Variants in SLC35F2 observed in about 807,000 individuals in gnomAD.
The protein encoded by SLC35F2 is queuine/queuosine transporter SLC35F2.
In SLC35F2, 25 loss-of-function variants were observed where a neutral mutation model predicts 38.1. The observed-to-expected ratio is 0.66, with a 90% CI of 0.48 to 0.92. The LOEUF (loss-of-function observed/expected upper bound fraction) is 0.92. SLC35F2 is among the 40% of genes least tolerant of loss of function. SLC35F2 has a pLI of 0.00. For synonymous variants in SLC35F2, 173 were observed against 181.7 expected (o/e 0.95, Z 0.38); for missense variants, 409 against 452.9 (o/e 0.90, Z 0.88).
At chr11:107,817,562 G>C (rs375088102) in intron 1 of SLC35F2, among the ~76,000 whole-genome samples, 1 of 151,896 alleles carries the variant, frequency 6.6e-6, no homozygotes, top group East Asian at 1.9e-4. Flanking sequence ...AAAACCTTTC[G>C]GTGGCTGGTT....
At chr11:107,810,422 A>C in intron 3 of SLC35F2, 1 of 985,096 alleles carries the variant, frequency 1.0e-6, no homozygotes. Context: ...GTTCCTGGGA[A>C]TTGTAATCAA....
chr11:107,800,399 C>T (rs1202992680), intron 7 of SLC35F2, among the ~76,000 whole-genome samples: 1 of 150,406 alleles, frequency 6.6e-6, no homozygotes, highest in Non-Finnish European at 1.5e-5. Context: ...GAGTTCATGG[C>T]CGACTTCTGG....
At chr11:107,856,868 A>C (rs1186368168) in intron 1 of SLC35F2, among the ~76,000 whole-genome samples, 3 of 119,884 alleles carry the variant, frequency 2.5e-5, no homozygotes, top group Non-Finnish European at 3.4e-5. Flanking sequence ...GGAAGGAAGG[A>C]AGGCAGGAAG....
intron 1 of SLC35F2, among the ~76,000 whole-genome samples, chr11:107,818,399 A>G (rs1859617745): frequency 6.6e-6 from 1 of 150,912 alleles, no homozygotes; most frequent in Non-Finnish European, 1.5e-5. Flanking sequence ...CCACTACAAA[A>G]AAGAAAAAAA....
At chr11:107,837,641 C>G (rs886071886) in intron 1 of SLC35F2, among the ~76,000 whole-genome samples, 1 of 152,026 alleles carries the variant, frequency 6.6e-6, no homozygotes, top group Admixed American at 6.6e-5. Context: ...TAGCAGTGAG[C>G]TGGGATGGCA....
chr11:107,805,385 A>C lies in SLC35F2; in HGVS notation c.705T>G (p.Phe235Leu), dbSNP rs753827886. The C allele has an allele frequency of 1.9e-6, 3 of 1,614,066 alleles. No individual in the cohort carries two copies. Among genetic ancestry groups the C allele is most frequent in the Non-Finnish European group, 2.5e-6 (3 of 1,179,988 alleles). Residue 235 changes from phenylalanine to leucine, a missense_variant, in exon 5 of 8, where the codon TTT becomes TTG. Coordinates refer to ENST00000525815, the MANE Select transcript of SLC35F2 (RefSeq NM_017515.5). ...RQEFLGMVGL[F>L]GTIISGIQLL... ...GCTGTATACCACTGATAATTGTTCC[A>C]AACAGGCCCACCATTCCTAAAAACT...
intron 1 of SLC35F2, among the ~76,000 whole-genome samples, chr11:107,850,182 G>A (rs1173823938): frequency 6.6e-6 from 1 of 152,098 alleles, no homozygotes; most frequent in Admixed American, 6.6e-5. Flanking sequence ...CCTCTACCTA[G>A]AGGGACTCAG....
chr11:107,818,068 AAAAAAAAGAAAGAAAGAAAG>A (rs1859606151), intron 1 of SLC35F2, among the ~76,000 whole-genome samples: 2 of 101,508 alleles, frequency 2.0e-5, no homozygotes, highest in African/African-American at 8.1e-5. Flanking sequence ...AAAAAAAAAA[AAAAAAAAGAAAGAAAGAAAG>A]AAAGAAAGAA....
chr11:107,793,160 G>A (rs1216460313), intron 7 of SLC35F2, among the ~76,000 whole-genome samples: 4 of 152,248 alleles, frequency 2.6e-5, no homozygotes, highest in South Asian at 2.1e-4. Context: ...CAAGCAATCC[G>A]CCCGCCTCAG....
intron 3 of SLC35F2, 32 bp from the exon 4 acceptor site, chr11:107,806,908 A>G (rs761819765): frequency 2.5e-6 from 4 of 1,598,162 alleles, no homozygotes; most frequent in African/African-American, 1.3e-5. Flanking sequence ...AGTTTAAAAC[A>G]TATCTCTCAT....
At chr11:107,842,137 T>C (rs1860021338) in intron 1 of SLC35F2, among the ~76,000 whole-genome samples, 1 of 149,982 alleles carries the variant, frequency 6.7e-6, no homozygotes, top group South Asian at 2.1e-4. Flanking sequence ...CGTGGTGGTG[T>C]GCCTATAACC....
chr11:107,858,748 G>A lies in SLC35F2; in HGVS notation c.20C>T (p.Ala7Val). Residue 7 changes from alanine to valine, a missense_variant, in exon 1 of 8, where the codon GCG becomes GTG. Physicochemically the swap from Ala to Val is moderately conservative, Grantham distance 64. Transcript: ENST00000525815. ...GAGGGGCTCTGGGGCGCCGGGGCCC[G>A]CTGGCGAGTCTGCCTCCATCGGCGC... The part of the protein sequence containing the change: MEADSP[A>V]GPGAPEPLAE... 1 of 1,274,798 alleles carries A rather than the reference G, an allele frequency of 7.8e-7. No homozygotes were observed. The highest frequency in any genetic ancestry group is 1.0e-6 in the Non-Finnish European group (1 of 1,002,554). 79.0% of individuals were successfully genotyped at this position (1,274,798 alleles called of 1,614,324 possible).
At chr11:107,844,622 CAATA>C (rs57389430) in intron 1 of SLC35F2, among the ~76,000 whole-genome samples, 36,319 of 134,446 alleles carry the variant, frequency 0.27, 5,375 homozygotes, top group East Asian at 0.37. Flanking sequence ...ACTCCTTCTC[CAATA>C]AATAAATAAA....
In SLC35F2 at chr11:107,811,716, T is replaced by C. The variant is rs751883112; in HGVS notation, c.365A>G (p.Asn122Ser). The change falls in exon 3 of 8, where the codon AAT becomes AGT. Residue 122 changes from asparagine (N) to serine (S), a missense_variant. Transcript: ENST00000525815. ...ILLGLADVEA[N>S]YVIVRAYQYT... ...CTGGTAGGCTCTGACGATCACATAATTAGCTTCCACATCTGCTAGTCCCAG... is the reference window on the plus strand; with the variant it reads ...CTGGTAGGCTCTGACGATCACATAACTAGCTTCCACATCTGCTAGTCCCAG... The C allele has an allele frequency of 1.2e-6, 2 of 1,614,002 alleles. No individual in the cohort carries two copies. Among genetic ancestry groups the C allele is most frequent in the Non-Finnish European group, 1.7e-6 (2 of 1,179,866 alleles).
chr11:107,817,392 G>A (rs1008616591), intron 1 of SLC35F2, among the ~76,000 whole-genome samples: 1 of 152,072 alleles, frequency 6.6e-6, no homozygotes, highest in East Asian at 1.9e-4. Flanking sequence ...AACTAGGAAG[G>A]AAGAAACAAT....
intron 1 of SLC35F2, among the ~76,000 whole-genome samples, chr11:107,858,332 T>C (rs1565445134): frequency 6.6e-6 from 1 of 152,040 alleles, no homozygotes; most frequent in East Asian, 1.9e-4. Flanking sequence ...CTTCACAGCA[T>C]CCCCGGGGAC....
intron 7 of SLC35F2, 123 bp from the exon 8 acceptor site, chr11:107,792,923 TTC>T: frequency 7.4e-7 from 1 of 1,352,090 alleles, no homozygotes; most frequent in Non-Finnish European, 9.5e-7. Context: ...CTTTCTTTCT[TTC>T]TTTCTTTTTA....
chr11:107,801,285 T>A (rs1411736643), intron 7 of SLC35F2, among the ~76,000 whole-genome samples: 2 of 152,188 alleles, frequency 1.3e-5, no homozygotes, highest in African/African-American at 2.4e-5. Context: ...CACAATGAAA[T>A]GTTCTAGAAG....
chr11:107,807,398 G>A (rs1312117293), intron 3 of SLC35F2, among the ~76,000 whole-genome samples: 1 of 151,738 alleles, frequency 6.6e-6, no homozygotes, highest in East Asian at 1.9e-4. Context: ...GCAGTGAGCT[G>A]TGATGGTGCC....
Sources: allele counts gnomAD v4.1 joint callset (sites outside exome capture counted in the v4.1 genomes callset), GRCh38; gene constraint gnomAD v4.1.1; transcripts MANE v1.5; gene names NCBI Gene and HGNC (gene_info 2026-07-23, HGNC 2026-07-21).